GRM3: variants seen among roughly 807,000 people sequenced by gnomAD.
GRM3 encodes metabotropic glutamate receptor 3.
Under a neutral mutation model 70.5 loss-of-function variants are expected in GRM3, and 26 were observed. The observed-to-expected ratio is 0.37, with a 90% confidence interval of 0.27 to 0.51. The LOEUF (loss-of-function observed/expected upper bound fraction) is 0.51, where lower values mean the gene tolerates loss of function less well. GRM3 is among the 20% of genes least tolerant of loss of function. The pLI is 0.93. For synonymous variants in GRM3, 443 were observed against 434.9 expected, an observed-to-expected ratio of 1.02 and a Z score of -0.23; for missense variants, 859 against 1,123.8, an observed-to-expected ratio of 0.76 and a Z score of 3.37.
chr7:86,668,761 A>G (rs1794095242), intron 1 of GRM3, among the ~76,000 whole-genome samples: 1 of 152,084 alleles, frequency 6.6e-6, no homozygotes, highest in African/African-American at 2.4e-5. Context: ...CCATGCATAG[A>G]CTGTCTACCC....
chr7:86,645,981 G>GGGT (rs1793452350), intron 1 of GRM3, among the ~76,000 whole-genome samples: 5 of 24,376 alleles, frequency 2.1e-4, no homozygotes, highest in Admixed American at 6.7e-4. Flanking sequence ...TCTTTGTGGT[G>GGGT]GGCGGGGGGG....
intron 1 of GRM3, among the ~76,000 whole-genome samples, chr7:86,704,838 C>T (rs1474499182): frequency 6.6e-6 from 1 of 151,836 alleles, no homozygotes; most frequent in Admixed American, 6.6e-5. Flanking sequence ...ATCAAACATC[C>T]ATTAATATAG....
chr7:86,779,805 G>C (rs1057397865), intron 2 of GRM3, among the ~76,000 whole-genome samples: 1 of 152,120 alleles, frequency 6.6e-6, no homozygotes, highest in Non-Finnish European at 1.5e-5. Context: ...CAGTAAGTCA[G>C]AGATTCTCCA....
At chr7:86,702,578 T>C (rs966217538) in intron 1 of GRM3, among the ~76,000 whole-genome samples, 1 of 152,020 alleles carries the variant, frequency 6.6e-6, no homozygotes, top group Non-Finnish European at 1.5e-5. Flanking sequence ...AGCTCTAGAA[T>C]CCCTAAAAGA....
At chr7:86,789,736 C>T (rs1415811009) in intron 3 of GRM3, among the ~76,000 whole-genome samples, 3 of 152,090 alleles carry the variant, frequency 2.0e-5, no homozygotes, top group East Asian at 1.9e-4. Context: ...ACACTTTTAG[C>T]CAATTCCCCA....
chr7:86,857,833 G>C (rs1052144445), intron 5 of GRM3, among the ~76,000 whole-genome samples: 4 of 152,088 alleles, frequency 2.6e-5, no homozygotes, highest in Non-Finnish European at 4.4e-5. Flanking sequence ...TGGTAGAAAA[G>C]CACAGAAAAA....
chr7:86,761,666 AAC>A (rs1304391651), intron 1 of GRM3, among the ~76,000 whole-genome samples: 2 of 152,166 alleles, frequency 1.3e-5, no homozygotes, highest in East Asian at 3.9e-4. Flanking sequence ...AGAGAAATAA[AAC>A]ACAGTCCTTA....
At chr7:86,861,489 G>A (rs962045052) in intron 5 of GRM3, among the ~76,000 whole-genome samples, 1 of 152,190 alleles carries the variant, frequency 6.6e-6, no homozygotes, top group Non-Finnish European at 1.5e-5. Flanking sequence ...AAAACTGGGT[G>A]ATGTGACAGT....
chr7:86,780,436 C>T (rs1270682658), intron 2 of GRM3, among the ~76,000 whole-genome samples: 1 of 152,234 alleles, frequency 6.6e-6, no homozygotes, highest in Non-Finnish European at 1.5e-5. Flanking sequence ...AAATTAATCA[C>T]ATCTGTGACT....
intron 3 of GRM3, among the ~76,000 whole-genome samples, chr7:86,792,417 T>C (rs946882484): frequency 6.6e-6 from 1 of 152,172 alleles, no homozygotes; most frequent in African/African-American, 2.4e-5. Flanking sequence ...CTGCCAGAAG[T>C]GCCCCAAGAC....
At chr7:86,710,112 G>C (rs964435168) in intron 1 of GRM3, 1 of 152,020 alleles carries the variant, frequency 6.6e-6, no homozygotes, top group East Asian at 1.9e-4. Context: ...ATAATCAAGA[G>C]ACTACTTGTT....
At position 86,689,222 on chromosome 7, in the gene GRM3, T is replaced by C. The variant is rs962832726; in HGVS notation, c.-141+44350T>C. On this transcript the variant is annotated intron_variant, in intron 1 of 5. Transcript: ENST00000361669. ...TAAAGATTTCAAGGTAAAAATGTCA[T>C]AACATAATGAATAAATAGGAAGCTA... 2.6e-5 allele frequency among the ~76,000 whole-genome samples: 4 copies of C among 151,826 alleles called. 1 individual carries two copies. In the South Asian group the frequency reaches 8.3e-4, roughly 31 times the overall value.
intron 2 of GRM3, chr7:86,784,135 A>G (rs1397536509): frequency 1.3e-5 from 2 of 152,122 alleles, no homozygotes; most frequent in Non-Finnish European, 2.9e-5. Flanking sequence ...TCTCTTGCAA[A>G]GCCTGCCTTC....
chr7:86,838,202 T>C (rs1391037345), intron 3 of GRM3, among the ~76,000 whole-genome samples: 2 of 152,198 alleles, frequency 1.3e-5, no homozygotes, highest in African/African-American at 4.8e-5. Flanking sequence ...ATGCTGTATA[T>C]AGACACAGGC....
intron 1 of GRM3, among the ~76,000 whole-genome samples, chr7:86,753,745 T>A (rs929686093): frequency 7.9e-5 from 12 of 152,140 alleles, no homozygotes; most frequent in African/African-American, 2.9e-4. Context: ...TCTACTTGAT[T>A]TTCTAGGAAT....
intron 1 of GRM3, among the ~76,000 whole-genome samples, chr7:86,708,240 A>G (rs764744215): frequency 1.3e-5 from 2 of 152,124 alleles, no homozygotes; most frequent in Non-Finnish European, 2.9e-5. Flanking sequence ...TTGAAGATCT[A>G]TGGGAACAAG....
intron 1 of GRM3, among the ~76,000 whole-genome samples, chr7:86,755,888 T>C (rs1236363194): frequency 6.6e-6 from 1 of 152,090 alleles, no homozygotes; most frequent in Non-Finnish European, 1.5e-5. Flanking sequence ...TTAAAAAAAT[T>C]TGTGACAAAT....
intron 2 of GRM3, among the ~76,000 whole-genome samples, chr7:86,767,040 G>C (rs1393261787): frequency 1.3e-5 from 2 of 151,824 alleles, no homozygotes; most frequent in African/African-American, 4.8e-5. Context: ...GTGAAACCCT[G>C]TCTCTATCAA....
At chr7:86,761,428 T>C (rs1225966482) in intron 1 of GRM3, among the ~76,000 whole-genome samples, 1 of 152,108 alleles carries the variant, frequency 6.6e-6, no homozygotes, top group Non-Finnish European at 1.5e-5. Flanking sequence ...CATTACTATA[T>C]TTCTACCTGT....
Sources: gnomAD v4.1 joint callset for allele counts (sites outside exome capture counted in the v4.1 genomes callset) on GRCh38, gnomAD v4.1.1 for gene constraint, MANE v1.5 for transcripts, NCBI Gene and HGNC (gene_info 2026-07-23, HGNC 2026-07-21) for gene names.